Variants in NEGR1 observed in about 807,000 individuals in gnomAD.
NEGR1 encodes the protein IgLON family member 4.
A neutral mutation model predicts 40.9 loss-of-function variants in NEGR1; 10 were observed. The ratio of observed to expected loss-of-function variants is 0.24; its 90% CI spans 0.15 to 0.42. NEGR1 has a LOEUF of 0.42. NEGR1 is among the 10% of genes least tolerant of loss of function. NEGR1 has a pLI of 1.00. For missense variants in NEGR1, 352 were observed against 438.9 expected (o/e 0.80, Z 1.77); for synonymous variants, 185 against 166.8 (o/e 1.11, Z -0.84).
At chr1:71,966,816 A>AAACAGAAAAT (rs1006793810) in intron 1 of NEGR1, among the ~76,000 whole-genome samples, 6 of 152,200 alleles carry the variant, frequency 3.9e-5, no homozygotes, top group African/African-American at 1.4e-4. Flanking sequence ...GCTCTGTGGC[A>AAACAGAAAAT]AACAGAAAAT....
intron 6 of NEGR1, among the ~76,000 whole-genome samples, chr1:71,471,614 G>A (rs1646782662): frequency 1.3e-5 from 2 of 151,920 alleles, no homozygotes; most frequent in East Asian, 3.9e-4. Flanking sequence ...CAGCCTGGGC[G>A]ACAGAGTGAG....
At chr1:71,911,991 A>G (rs1352834788) in intron 2 of NEGR1, among the ~76,000 whole-genome samples, 1 of 152,162 alleles carries the variant, frequency 6.6e-6, no homozygotes, top group African/African-American at 2.4e-5. Flanking sequence ...GGGTATCAAG[A>G]ATGTACCCTG....
At chr1:71,845,451 G>T (rs1557674798) in intron 2 of NEGR1, among the ~76,000 whole-genome samples, 1 of 152,108 alleles carries the variant, frequency 6.6e-6, no homozygotes, top group East Asian at 1.9e-4. Context: ...GAAGACTTTT[G>T]TTCTCAGGGG....
At chr1:71,602,663 T>C (rs1426941739) in intron 5 of NEGR1, among the ~76,000 whole-genome samples, 1 of 152,228 alleles carries the variant, frequency 6.6e-6, no homozygotes, top group Non-Finnish European at 1.5e-5. Flanking sequence ...TTATTTGAGT[T>C]GAATGGGCTC....
intron 6 of NEGR1, among the ~76,000 whole-genome samples, chr1:71,575,358 A>G (rs1416579594): frequency 6.6e-6 from 1 of 152,224 alleles, no homozygotes; most frequent in Non-Finnish European, 1.5e-5. Flanking sequence ...AGACAAGACT[A>G]AGGGTATTGC....
intron 6 of NEGR1, among the ~76,000 whole-genome samples, chr1:71,413,275 C>A (rs1292118382): frequency 6.6e-6 from 1 of 152,184 alleles, no homozygotes; most frequent in Non-Finnish European, 1.5e-5. Context: ...TTCACTTATT[C>A]CTTTAGCAAA....
chr1:71,603,698 G>C (rs1649993207), intron 5 of NEGR1, among the ~76,000 whole-genome samples: 1 of 152,070 alleles, frequency 6.6e-6, no homozygotes, highest in Admixed American at 6.5e-5. Flanking sequence ...TCTTAAAGTA[G>C]AAATAAATGA....
At chr1:71,959,559 A>C (rs919691277) in intron 1 of NEGR1, among the ~76,000 whole-genome samples, 3 of 152,120 alleles carry the variant, frequency 2.0e-5, no homozygotes, top group Non-Finnish European at 4.4e-5. Context: ...ACTAGGTATA[A>C]TTTTCTGTGT....
chr1:71,600,950 A>C (rs1649898910), intron 5 of NEGR1, among the ~76,000 whole-genome samples: 1 of 152,168 alleles, frequency 6.6e-6, no homozygotes, highest in African/African-American at 2.4e-5. Context: ...GTCCCTCCCT[A>C]AACTTTCTTC....
chr1:71,851,272 G>T (rs1036608118), intron 2 of NEGR1, among the ~76,000 whole-genome samples: 1 of 152,062 alleles, frequency 6.6e-6, no homozygotes, highest in Admixed American at 6.6e-5. Flanking sequence ...TTCCTAACCA[G>T]ATGATTTTTT....
intron 6 of NEGR1, among the ~76,000 whole-genome samples, chr1:71,427,254 T>C (rs1646434705): frequency 6.6e-6 from 1 of 152,216 alleles, no homozygotes; most frequent in Non-Finnish European, 1.5e-5. Context: ...GCCTGTGTGC[T>C]AGAAGACAAA....
chr1:72,207,539 T>A (rs1442950280), intron 1 of NEGR1, among the ~76,000 whole-genome samples: 1 of 151,818 alleles, frequency 6.6e-6, no homozygotes, highest in East Asian at 1.9e-4. Context: ...TGAAAGCAAA[T>A]CATTGTTAAA....
At chr1:72,259,035 C>T (rs568062454) in intron 1 of NEGR1, among the ~76,000 whole-genome samples, 4 of 152,156 alleles carry the variant, frequency 2.6e-5, no homozygotes, top group African/African-American at 9.6e-5. Flanking sequence ...ACTTCCAAGC[C>T]TTTTACTCTT....
intron 6 of NEGR1, among the ~76,000 whole-genome samples, chr1:71,486,132 T>C (rs978431054): frequency 4.0e-5 from 6 of 151,702 alleles, no homozygotes; most frequent in African/African-American, 1.4e-4. Context: ...GTTCTAGATT[T>C]CGGCCATTCT....
intron 2 of NEGR1, among the ~76,000 whole-genome samples, chr1:71,839,132 C>T (rs1299146656): frequency 6.9e-6 from 1 of 145,340 alleles, no homozygotes; most frequent in Non-Finnish European, 1.5e-5. Flanking sequence ...CAAGGGGTCC[C>T]ATGAAGAATC....
intron 3 of NEGR1, among the ~76,000 whole-genome samples, chr1:71,700,825 G>A (rs918486066): frequency 7.9e-5 from 12 of 151,976 alleles, no homozygotes; most frequent in Admixed American, 2.6e-4. Flanking sequence ...AGGACCTTGA[G>A]ATAAGGAGAG....
chr1:72,087,261 A>G (rs1241443578), intron 1 of NEGR1, among the ~76,000 whole-genome samples: 2 of 152,024 alleles, frequency 1.3e-5, no homozygotes, highest in Non-Finnish European at 2.9e-5. Context: ...TACTAAAAAT[A>G]CAACAATAAC....
At chr1:71,982,635 A>C (rs1025875168) in intron 1 of NEGR1, among the ~76,000 whole-genome samples, 2 of 152,174 alleles carry the variant, frequency 1.3e-5, no homozygotes, top group Non-Finnish European at 2.9e-5. Flanking sequence ...ATAAATGTTA[A>C]CTGATTAACT....
chr1:71,439,866 T>C (rs1646534912), intron 6 of NEGR1: 1 of 151,852 alleles, frequency 6.6e-6, no homozygotes, highest in African/African-American at 2.4e-5. Flanking sequence ...TAGGCTTTTA[T>C]TTCTCTCATA....
Sources: gnomAD v4.1 joint callset for allele counts (sites outside exome capture counted in the v4.1 genomes callset) on GRCh38, gnomAD v4.1.1 for gene constraint, MANE v1.5 for transcripts, NCBI Gene and HGNC (gene_info 2026-07-23, HGNC 2026-07-21) for gene names.